RABGAP1L: variants seen among roughly 807,000 people sequenced by gnomAD.
RABGAP1L encodes rab GTPase-activating protein 1-like.
A neutral mutation model predicts 137.7 loss-of-function variants in RABGAP1L; 63 were observed. The observed-to-expected ratio is 0.46, with a 90% confidence interval of 0.37 to 0.56. RABGAP1L has a LOEUF of 0.56. Among genes scored for constraint, RABGAP1L ranks in the 20% least tolerant of loss-of-function variants. RABGAP1L has a pLI of 0.00. For missense variants in RABGAP1L, 1,095 were observed against 1,244.0 expected, an observed-to-expected ratio of 0.88 and a Z score of 1.80; for synonymous variants, 431 against 433.7, an observed-to-expected ratio of 0.99 and a Z score of 0.08.
intron 13 of RABGAP1L, among the ~76,000 whole-genome samples, chr1:174,618,887 T>C (rs904964043): frequency 6.6e-6 from 1 of 152,086 alleles, no homozygotes; most frequent in Non-Finnish European, 1.5e-5. Context: ...AGTTAAAAAC[T>C]TTGAAAAAAA....
intron 17 of RABGAP1L, among the ~76,000 whole-genome samples, chr1:174,729,468 A>C (rs1467274097): frequency 6.6e-6 from 1 of 152,168 alleles, no homozygotes; most frequent in East Asian, 1.9e-4. Context: ...AAAACAAAAA[A>C]TTGACAAGTG....
chr1:174,208,379 A>G (rs183235058), intron 1 of RABGAP1L, among the ~76,000 whole-genome samples: 10 of 152,048 alleles, frequency 6.6e-5, no homozygotes, highest in Admixed American at 2.0e-4. Flanking sequence ...ATTTCTTCCA[A>G]TCTTAGGGGG....
chr1:174,532,200 G>GT (rs1282965825), intron 13 of RABGAP1L, among the ~76,000 whole-genome samples: 2 of 150,650 alleles, frequency 1.3e-5, no homozygotes, highest in Non-Finnish European at 3.0e-5. Context: ...GGAGTTTTTT[G>GT]TTTTTTGTTT....
chr1:174,951,151 C>A (rs879786817), intron 19 of RABGAP1L, among the ~76,000 whole-genome samples: 1 of 152,132 alleles, frequency 6.6e-6, no homozygotes, highest in Non-Finnish European at 1.5e-5. Context: ...CATCTTTGTA[C>A]CTTTTATAAA....
chr1:174,375,550 T>C (rs61828643), intron 12 of RABGAP1L, among the ~76,000 whole-genome samples: 2,616 of 152,070 alleles, frequency 0.017, 42 homozygotes, highest in Middle Eastern at 0.048. Context: ...ACTACAGACA[T>C]TACAAGGATA....
Position 174,774,809 on chromosome 1 carries a change from G to C in RABGAP1L, c.2211+22455G>C, listed in dbSNP as rs151048178. Among the ~76,000 whole-genome samples, 627 of 152,266 alleles carry C rather than the reference G, an allele frequency of 4.1e-3. 8 individuals are homozygous for C. The highest frequency in any genetic ancestry group is 0.03 in the South Asian group (144 of 4,824). On this transcript the variant is annotated intron_variant, in intron 18 of 25. Transcript: ENST00000681986. The stretch of plus-strand genomic sequence containing the variant: ...ATGGGAGGATCACTTGGGCCTGAGG[G>C]GTTGAGGCTGCAGTGAGCCATGATT...
rs79858354 is a variant in RABGAP1L, at chr1:174,321,638, A to G, written c.1465+16511A>G. 2.0e-5 allele frequency among the ~76,000 whole-genome samples: 3 copies of G among 152,304 alleles called. No individual in the cohort carries two copies. The East Asian group carries it at 5.8e-4, about 29-fold the overall frequency. Reference sequence around the variant, plus strand: ...TGATTACAATTTTTTTGGCAAATATATGCTCCCATTTCACTTGGAAAAATA... The same window carrying G: ...TGATTACAATTTTTTTGGCAAATATGTGCTCCCATTTCACTTGGAAAAATA... On this transcript the variant is annotated intron_variant, in intron 11 of 25. Transcript: ENST00000681986.
intron 22 of RABGAP1L, among the ~76,000 whole-genome samples, chr1:174,977,873 T>C (rs145368786): frequency 6.6e-6 from 1 of 152,270 alleles, no homozygotes; most frequent in East Asian, 1.9e-4. Flanking sequence ...AATTTTAGAA[T>C]CTAACAGATA....
intron 14 of RABGAP1L, among the ~76,000 whole-genome samples, chr1:174,678,113 C>T (rs1038473315): frequency 3.9e-5 from 6 of 151,938 alleles, no homozygotes; most frequent in South Asian, 2.1e-4. Flanking sequence ...CTATTATGAA[C>T]GAATTTATGT....
At chr1:174,908,727 G>C (rs1659541127) in intron 19 of RABGAP1L, among the ~76,000 whole-genome samples, 1 of 150,746 alleles carries the variant, frequency 6.6e-6, no homozygotes, top group Admixed American at 6.6e-5. Context: ...ATTTTTTGTA[G>C]AGATGGGGTT....
chr1:174,875,353 G>A (rs115456765), intron 19 of RABGAP1L, among the ~76,000 whole-genome samples: 3,679 of 152,128 alleles, frequency 0.024, 61 homozygotes, highest in Middle Eastern at 0.085. Context: ...AGGGTTCTTC[G>A]TAACCAAGAA....
intron 4 of RABGAP1L, among the ~76,000 whole-genome samples, chr1:174,239,291 T>C (rs1285599530): frequency 6.6e-6 from 1 of 152,128 alleles, no homozygotes; most frequent in Non-Finnish European, 1.5e-5. Flanking sequence ...TTGGCTCCTC[T>C]TCGATAATTT....
At chr1:174,901,961 T>A (rs1389634381) in intron 19 of RABGAP1L, among the ~76,000 whole-genome samples, 1 of 152,002 alleles carries the variant, frequency 6.6e-6, no homozygotes, top group South Asian at 2.1e-4. Flanking sequence ...TTGCTGGGGG[T>A]CCAATCCAGA....
chr1:174,323,254 T>C (rs1168372905), intron 11 of RABGAP1L, among the ~76,000 whole-genome samples: 1 of 152,110 alleles, frequency 6.6e-6, no homozygotes, highest in African/African-American at 2.4e-5. Flanking sequence ...ATAACTATTA[T>C]CATCTGTATA....
intron 13 of RABGAP1L, among the ~76,000 whole-genome samples, chr1:174,635,254 A>G (rs558656824): frequency 2.0e-5 from 3 of 152,284 alleles, no homozygotes; most frequent in South Asian, 4.1e-4. Context: ...TGTCCTGAAA[A>G]GTACAAAAAG....
intron 13 of RABGAP1L, among the ~76,000 whole-genome samples, chr1:174,492,708 A>G (rs1660375921): frequency 6.6e-6 from 1 of 152,058 alleles, no homozygotes; most frequent in Admixed American, 6.6e-5. Flanking sequence ...CCTCAACTGT[A>G]CTGTCCCTAT....
Position 174,637,412 on chromosome 1 carries a change from A to G in RABGAP1L, c.1748A>G (p.His583Arg). 2 of 1,613,174 alleles carry G rather than the reference A, an allele frequency of 1.2e-6. No individual in the cohort carries two copies. Among genetic ancestry groups the G allele is most frequent in the South Asian group, 1.1e-5 (1 of 91,074 alleles). Residue 583 changes from histidine to arginine, a missense_variant, in exon 14 of 26, where the codon CAT (histidine) becomes CGT (arginine). Coordinates refer to ENST00000681986, the MANE Select transcript of RABGAP1L (RefSeq NM_001366446.1). ...GAGAGTGTTATTACTCGAGATATTC[A>G]TCGTACATTTCCCGCACATGATTAC... ...AQESVITRDIHRTFPAHDYFK... is the reference protein window; with the variant it reads ...AQESVITRDIRRTFPAHDYFK...
chr1:174,614,735 C>G (rs897374255), intron 13 of RABGAP1L, among the ~76,000 whole-genome samples: 4 of 152,186 alleles, frequency 2.6e-5, no homozygotes, highest in Admixed American at 6.5e-5. Context: ...TAGATTTGGT[C>G]TTTTCACATA....
In RABGAP1L at chr1:174,232,119, T is replaced by A. The variant is rs529191818; in HGVS notation, c.542+764T>A. ...CTGGAGTGAGCCATAGATTTTAAGT[T>A]ATTTACATTAGACTGGAAAGAAGCA... On this transcript the variant is annotated intron_variant, in intron 4 of 25. Transcript: ENST00000681986. 2.0e-5 allele frequency among the ~76,000 whole-genome samples: 3 copies of A among 152,350 alleles called. No homozygotes were observed. The East Asian group carries it at 5.8e-4, about 29-fold the overall frequency.
Sources: allele counts gnomAD v4.1 joint callset (sites outside exome capture counted in the v4.1 genomes callset), GRCh38; gene constraint gnomAD v4.1.1; transcripts MANE v1.5; gene names NCBI Gene and HGNC (gene_info 2026-07-23, HGNC 2026-07-21).